CNTNAP2: variants seen among roughly 807,000 people sequenced by gnomAD.
CNTNAP2 encodes contactin associated protein 2, also known as contactin-associated protein-like 2.
CNTNAP2 carries 98 observed loss-of-function variants against 155.2 expected under a neutral mutation model. The observed-to-expected ratio is 0.63, with a 90% CI of 0.54 to 0.75. CNTNAP2 has a LOEUF of 0.75. Ranked by LOEUF, CNTNAP2 falls within the 30% of genes least tolerant of loss-of-function variation. The pLI, the probability that CNTNAP2 is intolerant of heterozygous loss-of-function variation, is 0.00. For missense variants in CNTNAP2, 1,727 were observed against 1,688.1 expected (o/e 1.02, Z -0.40); for synonymous variants, 651 against 631.2 (o/e 1.03, Z -0.47).
chr7:147,668,916 T>C (rs1795742688), intron 13 of CNTNAP2, among the ~76,000 whole-genome samples: 1 of 152,138 alleles, frequency 6.6e-6, no homozygotes, highest in Admixed American at 6.5e-5. Flanking sequence ...CAACTTCCAG[T>C]CCTGCAAGCT....
rs1447158179 is a variant in CNTNAP2, at chr7:148,376,770, A to G, written c.3476-6879A>G. Among the ~76,000 whole-genome samples the G allele has an allele frequency of 1.3e-4, 9 of 67,772 alleles. 3 individuals carry two copies. The highest frequency in any genetic ancestry group is 3.3e-4 in the African/African-American group (9 of 27,668). 44.5% of individuals were successfully genotyped at this position (67,772 alleles called of 152,430 possible). A position where few individuals can be genotyped will look rare whatever the true frequency, so the allele number is the denominator to read the frequency against. On this transcript the variant is annotated intron_variant, in intron 21 of 23. Coordinates refer to ENST00000361727, the MANE Select transcript of CNTNAP2 (RefSeq NM_014141.6). ...AATGTCACAGTACCTAATCGTATAC[A>G]TCAATTATGGATCCAGATTTAATTC...
chr7:147,459,581 C>T (rs772014213), intron 10 of CNTNAP2, among the ~76,000 whole-genome samples: 32 of 152,024 alleles, frequency 2.1e-4, no homozygotes, highest in Non-Finnish European at 4.0e-4. Flanking sequence ...GAAAAGACTA[C>T]CAGGACCAAA....
chr7:147,019,982 G>C (rs1389866407), intron 3 of CNTNAP2, among the ~76,000 whole-genome samples: 1 of 148,274 alleles, frequency 6.7e-6, no homozygotes, highest in Non-Finnish European at 1.5e-5. Flanking sequence ...AGACAATGGA[G>C]TAGTATAGAT....
chr7:146,741,764 C>T (rs1003487786), intron 1 of CNTNAP2, among the ~76,000 whole-genome samples: 17 of 151,866 alleles, frequency 1.1e-4, no homozygotes, highest in African/African-American at 3.1e-4. Context: ...TGCATGAGGC[C>T]GCAAGTGCTG....
At chr7:147,982,477 G>C (rs953116117) in intron 15 of CNTNAP2, among the ~76,000 whole-genome samples, 1 of 152,156 alleles carries the variant, frequency 6.6e-6, no homozygotes, top group African/African-American at 2.4e-5. Context: ...TCAGAGCTAC[G>C]GAGGTGACCC....
At chr7:146,913,187 C>T (rs935604842) in intron 3 of CNTNAP2, among the ~76,000 whole-genome samples, 1 of 152,104 alleles carries the variant, frequency 6.6e-6, no homozygotes, top group African/African-American at 2.4e-5. Context: ...TTCAGAAGCG[C>T]ATAGGGAATA....
intron 22 of CNTNAP2, among the ~76,000 whole-genome samples, chr7:148,397,362 A>AGAGACTAGCATTAT (rs1404052025): frequency 4.6e-5 from 7 of 152,248 alleles, no homozygotes; most frequent in African/African-American, 1.7e-4. Flanking sequence ...TAAAGTATGC[A>AGAGACTAGCATTAT]GAGACTAGCA....
Position 148,147,357 on chromosome 7 carries a change from G to A in CNTNAP2, c.2555-134G>A, listed in dbSNP as rs1277091485. The A allele has an allele frequency of 1.2e-5, 10 of 846,332 alleles. No individual in the cohort carries two copies. In the African/African-American group the frequency reaches 1.7e-4, roughly 14 times the overall value. The allele number at this position is 846,332 out of a possible 1,614,324, so 52.4% of individuals were successfully genotyped here. On this transcript the variant is annotated intron_variant, in intron 16 of 23. Transcript: ENST00000361727. ...ATTTTATCCTTCTTCCATTGATTTT[G>A]CCATCGACCTTTGTAGGACGTGACA...
chr7:148,225,615 C>G (rs113298821), intron 19 of CNTNAP2, among the ~76,000 whole-genome samples: 3 of 152,122 alleles, frequency 2.0e-5, no homozygotes, highest in Admixed American at 6.5e-5. Context: ...CTCTGACCAC[C>G]GTGTGGTGAG....
chr7:147,187,675 C>T (rs575199373), intron 8 of CNTNAP2, among the ~76,000 whole-genome samples: 3 of 152,118 alleles, frequency 2.0e-5, no homozygotes, highest in Non-Finnish European at 4.4e-5. Context: ...ACCAGTCACA[C>T]CCCATACCTT....
At chr7:147,820,412 T>C (rs888165465) in intron 13 of CNTNAP2, among the ~76,000 whole-genome samples, 1 of 152,168 alleles carries the variant, frequency 6.6e-6, no homozygotes, top group African/African-American at 2.4e-5. Context: ...CTAAGTCCTT[T>C]GAGATATATA....
At chr7:147,339,310 G>A (rs1284627026) in intron 9 of CNTNAP2, among the ~76,000 whole-genome samples, 1 of 152,138 alleles carries the variant, frequency 6.6e-6, no homozygotes, top group African/African-American at 2.4e-5. Flanking sequence ...TCACCCTCCT[G>A]TGGGGGTGTG....
chr7:147,091,313 C>T (rs576871168), intron 4 of CNTNAP2, among the ~76,000 whole-genome samples: 1 of 152,076 alleles, frequency 6.6e-6, no homozygotes, highest in East Asian at 2.0e-4. Context: ...CGTATTTCTT[C>T]GGTCATGAGA....
At chr7:146,336,307 C>G (rs1416574963) in intron 1 of CNTNAP2, among the ~76,000 whole-genome samples, 1 of 151,730 alleles carries the variant, frequency 6.6e-6, no homozygotes, top group African/African-American at 2.4e-5. Flanking sequence ...CTTCCAGGAG[C>G]TCTCGGTAAT....
intron 14 of CNTNAP2, among the ~76,000 whole-genome samples, chr7:147,961,831 A>G (rs1801125278): frequency 6.6e-6 from 1 of 152,196 alleles, no homozygotes; most frequent in Admixed American, 6.6e-5. Context: ...GAATGCCTAT[A>G]ACTAAATGAA....
At chr7:146,177,777 T>A (rs1468192280) in intron 1 of CNTNAP2, among the ~76,000 whole-genome samples, 1 of 152,240 alleles carries the variant, frequency 6.6e-6, no homozygotes, top group Non-Finnish European at 1.5e-5. Flanking sequence ...TTTTGTTATT[T>A]ACAATATTGG....
At chr7:147,710,510 G>A (rs981219491) in intron 13 of CNTNAP2, among the ~76,000 whole-genome samples, 1 of 152,054 alleles carries the variant, frequency 6.6e-6, no homozygotes, top group Non-Finnish European at 1.5e-5. Context: ...CTCAGCTTAA[G>A]CATTACTTCC....
intron 14 of CNTNAP2, among the ~76,000 whole-genome samples, chr7:147,939,849 C>T (rs918923881): frequency 7.2e-5 from 11 of 152,002 alleles, no homozygotes; most frequent in Non-Finnish European, 1.5e-4. Context: ...TAAATAAATC[C>T]CCCATACAAA....
chr7:146,443,213 CTAAATAAATAAATAAATAA>C (rs1341076950), intron 1 of CNTNAP2, among the ~76,000 whole-genome samples: 3 of 139,364 alleles, frequency 2.2e-5, no homozygotes, highest in Non-Finnish European at 4.5e-5. Context: ...GACTCCGTCT[CTAAATAAATAAATAAATAA>C]TAAATAAATA....
Sources: gnomAD v4.1 joint callset for allele counts (sites outside exome capture counted in the v4.1 genomes callset) on GRCh38, gnomAD v4.1.1 for gene constraint, MANE v1.5 for transcripts, NCBI Gene and HGNC (gene_info 2026-07-23, HGNC 2026-07-21) for gene names.